Variants in KCNK13 observed in about 807,000 individuals in gnomAD.
KCNK13 encodes potassium channel subfamily K member 13.
In KCNK13, 12 loss-of-function variants were observed where a neutral mutation model predicts 23.4. The observed-to-expected ratio is 0.51, with a 90% confidence interval of 0.33 to 0.83. The LOEUF (loss-of-function observed/expected upper bound fraction) is 0.83. Among genes scored for constraint, KCNK13 ranks in the 40% least tolerant of loss-of-function variants. The pLI, the probability that KCNK13 is intolerant of heterozygous loss-of-function variation, is 0.02. For synonymous variants in KCNK13, 231 were observed against 229.5 expected, an observed-to-expected ratio of 1.01 and a Z score of -0.06; for missense variants, 463 against 556.3, an observed-to-expected ratio of 0.83 and a Z score of 1.69.
At chr14:90,068,272 G>T (rs1889031631) in intron 1 of KCNK13, among the ~76,000 whole-genome samples, 1 of 152,112 alleles carries the variant, frequency 6.6e-6, no homozygotes, top group African/African-American at 2.4e-5. Flanking sequence ...GTGGCAAGTT[G>T]CAGAAGAAAT....
chr14:90,064,479 G>A (rs1888984988), intron 1 of KCNK13, among the ~76,000 whole-genome samples: 1 of 152,156 alleles, frequency 6.6e-6, no homozygotes, highest in Admixed American at 6.5e-5. Context: ...GTGGCATGGA[G>A]GAGTGGAAAG....
chr14:90,082,933 C>A (rs560959339), intron 1 of KCNK13, among the ~76,000 whole-genome samples: 1 of 152,140 alleles, frequency 6.6e-6, no homozygotes, highest in Non-Finnish European at 1.5e-5. Flanking sequence ...TTCTCCACAC[C>A]CTTTCCAACA....
At chr14:90,152,574 C>T (rs187780590) in intron 1 of KCNK13, among the ~76,000 whole-genome samples, 47 of 151,726 alleles carry the variant, frequency 3.1e-4, no homozygotes, top group African/African-American at 9.4e-4. Context: ...CCTCCTTTGC[C>T]TTCCACCATG....
intron 1 of KCNK13, among the ~76,000 whole-genome samples, chr14:90,075,171 A>G (rs1252582145): frequency 1.3e-5 from 2 of 151,680 alleles, no homozygotes; most frequent in East Asian, 3.9e-4. Flanking sequence ...GATGGCTTAG[A>G]TGTTCTTTTT....
Position 90,062,838 on chromosome 14 carries a change from C to T in KCNK13, c.334+299C>T, listed in dbSNP as rs1383467893. The stretch of plus-strand genomic sequence containing the variant: ...AAGTCCCCAAAGGATTGGAATGATC[C>T]TTAAATTGGAGACGCTCTGCTCTGG... On this transcript the variant is annotated intron_variant, in intron 1 of 1. Coordinates refer to ENST00000282146, the MANE Select transcript of KCNK13 (RefSeq NM_022054.4). The surrounding 1 kb of genome is among the most constrained non-coding windows in gnomAD (Gnocchi z 4.5). Among the ~76,000 whole-genome samples the T allele has an allele frequency of 6.6e-6, 1 of 152,122 alleles. No individual in the cohort carries two copies. Among genetic ancestry groups the T allele is most frequent in the Admixed American group, 6.5e-5 (1 of 15,278 alleles).
chr14:90,103,816 G>A (rs988309287), intron 1 of KCNK13, among the ~76,000 whole-genome samples: 8 of 152,100 alleles, frequency 5.3e-5, no homozygotes, highest in African/African-American at 1.7e-4. Context: ...GCCTGCCTTG[G>A]CCTCCCAAAG....
At chr14:90,166,741 G>A (rs1486522123) in intron 1 of KCNK13, among the ~76,000 whole-genome samples, 2 of 151,922 alleles carry the variant, frequency 1.3e-5, no homozygotes, top group African/African-American at 4.8e-5. Context: ...TATTTATTTG[G>A]GTAGACTGTG....
At chr14:90,082,167 T>A (rs932659005) in intron 1 of KCNK13, among the ~76,000 whole-genome samples, 3 of 152,152 alleles carry the variant, frequency 2.0e-5, no homozygotes, top group African/African-American at 7.2e-5. Flanking sequence ...GCTTAAGTGA[T>A]TCTCCTGCCT....
intron 1 of KCNK13, among the ~76,000 whole-genome samples, chr14:90,112,854 A>G (rs1889631586): frequency 6.6e-6 from 1 of 152,162 alleles, no homozygotes; most frequent in African/African-American, 2.4e-5. Flanking sequence ...GACAAAAAGT[A>G]ATTGATGAAC....
At chr14:90,165,087 A>G (rs1890288713) in intron 1 of KCNK13, among the ~76,000 whole-genome samples, 1 of 152,356 alleles carries the variant, frequency 6.6e-6, no homozygotes, top group Admixed American at 6.5e-5. Context: ...GAGCTTGTGC[A>G]GGGAAACTCC....
chr14:90,131,641 C>T (rs1168009846), intron 1 of KCNK13, among the ~76,000 whole-genome samples: 1 of 152,242 alleles, frequency 6.6e-6, no homozygotes, highest in African/African-American at 2.4e-5. Context: ...GATCCTCCCA[C>T]CTCAGCCTCC....
intron 1 of KCNK13, among the ~76,000 whole-genome samples, chr14:90,172,224 G>A (rs183146937): frequency 6.8e-4 from 103 of 151,992 alleles, no homozygotes; most frequent in African/African-American, 2.5e-3. Flanking sequence ...GGTTGAGGCA[G>A]GAGAATTGCT....
intron 1 of KCNK13, among the ~76,000 whole-genome samples, chr14:90,110,987 C>T (rs79173407): frequency 0.017 from 2,489 of 144,498 alleles, 64 homozygotes; most frequent in African/African-American, 0.06. Flanking sequence ...CCAGCCTGGA[C>T]AACAAGAGCA....
chr14:90,089,620 C>T lies in KCNK13; in HGVS notation c.334+27081C>T, dbSNP rs1389035606. On this transcript the variant is annotated intron_variant, in intron 1 of 1. Transcript: ENST00000282146. ...AAGTAACGAGGAGCCAAATGTTAAT[C>T]CCGAAGACAATGGGGAAAATATCTC... Among the ~76,000 whole-genome samples, 3 of 152,180 alleles carry T rather than the reference C, an allele frequency of 2.0e-5. No homozygotes were observed. The East Asian group carries it at 5.8e-4, about 29-fold the overall frequency.
intron 1 of KCNK13, among the ~76,000 whole-genome samples, chr14:90,105,561 T>A (rs1889534055): frequency 6.6e-6 from 1 of 152,250 alleles, no homozygotes; most frequent in African/African-American, 2.4e-5. Flanking sequence ...TGGATTGTGG[T>A]CGTTGAGGGT....
At chr14:90,134,425 T>C (rs1039825952) in intron 1 of KCNK13, among the ~76,000 whole-genome samples, 4 of 152,198 alleles carry the variant, frequency 2.6e-5, no homozygotes, top group Admixed American at 1.3e-4. Flanking sequence ...TTATGGAACA[T>C]AGCCTTAGAA....
chr14:90,069,984 A>G (rs370079152), intron 1 of KCNK13, among the ~76,000 whole-genome samples: 1 of 151,914 alleles, frequency 6.6e-6, no homozygotes, highest in African/African-American at 2.4e-5. Context: ...GGAAAGTATA[A>G]AAAAAAAGTA....
At chr14:90,071,442 A>G (rs914303051) in intron 1 of KCNK13, among the ~76,000 whole-genome samples, 1 of 151,872 alleles carries the variant, frequency 6.6e-6, no homozygotes, top group Non-Finnish European at 1.5e-5. Context: ...CTCCTCCCCA[A>G]CTTTCTCCCA....
chr14:90,098,618 A>G (rs1464923751), intron 1 of KCNK13, among the ~76,000 whole-genome samples: 1 of 150,330 alleles, frequency 6.7e-6, no homozygotes, highest in Non-Finnish European at 1.5e-5. Flanking sequence ...ATGCCACTGC[A>G]CTCCATCCTG....
Sources: gnomAD v4.1 joint callset for allele counts (sites outside exome capture counted in the v4.1 genomes callset) on GRCh38, gnomAD v4.1.1 for gene constraint, Gnocchi (gnomAD v3.1) non-coding constraint, MANE v1.5 for transcripts, NCBI Gene and HGNC (gene_info 2026-07-23, HGNC 2026-07-21) for gene names.